TECRL: variants seen among roughly 807,000 people sequenced by gnomAD.
TECRL encodes the protein trans-2,3-enoyl-CoA reductase-like.
In TECRL, 63 loss-of-function variants were observed where a neutral mutation model predicts 52.8. The ratio of observed to expected loss-of-function variants is 1.19; its 90% confidence interval spans 0.97 to 1.47. The LOEUF (loss-of-function observed/expected upper bound fraction) is 1.47. Ranked by LOEUF, TECRL falls within the 40% of genes most tolerant of loss-of-function variation. The probability of loss-of-function intolerance (pLI) is 0.00; values close to 1 mark genes in which losing one functional copy is unlikely to be tolerated. For missense variants in TECRL, 482 were observed against 429.6 expected, an observed-to-expected ratio of 1.12 and a Z score of -1.08; for synonymous variants, 164 against 141.9, an observed-to-expected ratio of 1.16 and a Z score of -1.10.
intron 1 of TECRL, among the ~76,000 whole-genome samples, chr4:64,375,812 C>G (rs912122332): frequency 6.6e-6 from 1 of 151,690 alleles, no homozygotes; most frequent in Non-Finnish European, 1.5e-5. Context: ...ATTACTAAAA[C>G]AAACTCTATA....
rs1724932593 is a variant in TECRL, at chr4:64,409,181, C to A, written c.171G>T (p.Thr57=). 3.1e-6 allele frequency: 5 copies of A among 1,613,538 alleles called. No individual in the cohort carries two copies. The South Asian group carries it at 4.4e-5, about 14-fold the overall frequency. The stretch of plus-strand genomic sequence containing the variant: ...CAAATATTTCAATCTCAAAGTGAGT[C>A]GTTTTTGAATGTTTGACTGCTGGAG... ...RPTPAVKHSK[T]THFEIEIFDA... The change falls in exon 1 of 12, where the codon ACG becomes ACT. Residue 57 remains threonine, a synonymous_variant. Transcript: ENST00000381210.
At chr4:64,296,662 G>C (rs911301949) in intron 8 of TECRL, among the ~76,000 whole-genome samples, 3 of 151,634 alleles carry the variant, frequency 2.0e-5, no homozygotes, top group African/African-American at 7.2e-5. Context: ...TAAAGTTAAG[G>C]GTACAAAAAG....
chr4:64,347,766 C>G (rs1720091739), intron 2 of TECRL, among the ~76,000 whole-genome samples: 1 of 152,076 alleles, frequency 6.6e-6, no homozygotes, highest in African/African-American at 2.4e-5. Flanking sequence ...ATTACAGGTC[C>G]CTCCCTTGAC....
At chr4:64,354,940 A>G (rs1340957139) in intron 2 of TECRL, among the ~76,000 whole-genome samples, 1 of 152,148 alleles carries the variant, frequency 6.6e-6, no homozygotes, top group Non-Finnish European at 1.5e-5. Flanking sequence ...TAAGTAAACT[A>G]TTTTCCTTTA....
intron 1 of TECRL, among the ~76,000 whole-genome samples, chr4:64,406,914 G>A (rs573104095): frequency 9.2e-5 from 14 of 151,780 alleles, no homozygotes; most frequent in Middle Eastern, 3.4e-3. Flanking sequence ...CTACAAAGTT[G>A]TTAATTTGTC....
rs554478135 is a variant in TECRL at position 64,289,409 on chromosome 4, T to C, written c.832+301A>G. On this transcript the variant is annotated intron_variant, in intron 9 of 11. Coordinates refer to ENST00000381210, the MANE Select transcript of TECRL (RefSeq NM_001010874.5). ...AGTAATTTGGATATTCATCAAGTGA[T>C]TTTGTACTGCTTTTGTTCTTATTCA... 3.3e-5 allele frequency among the ~76,000 whole-genome samples: 5 copies of C among 152,300 alleles called. No individual in the cohort carries two copies. The East Asian group carries it at 7.7e-4, about 24-fold the overall frequency.
In TECRL at chr4:64,279,553, T is replaced by C. The variant is rs1321405615; in HGVS notation, c.*519A>G. The C allele has an allele frequency of 6.3e-6, 1 of 158,836 alleles. No homozygotes were observed. Among genetic ancestry groups the C allele is most frequent in the Non-Finnish European group, 1.3e-5 (1 of 74,114 alleles). 9.8% of individuals were successfully genotyped at this position (158,836 alleles called of 1,614,324 possible). A position where few individuals can be genotyped will look rare whatever the true frequency, so the allele number is the denominator to read the frequency against. On this transcript the variant is annotated 3_prime_UTR_variant, in exon 12 of 12. Transcript: ENST00000381210. ...TGTCAAAGTGTTAGGATTACAGATA[T>C]GAACCACCACGGCTGTCATATTTTT...
intron 1 of TECRL, among the ~76,000 whole-genome samples, chr4:64,380,764 T>C (rs750490863): frequency 6.6e-6 from 1 of 152,160 alleles, no homozygotes; most frequent in Admixed American, 6.6e-5. Flanking sequence ...ATTTCTATTC[T>C]TGTACCAATG....
At chr4:64,368,095 C>G (rs1721727290) in intron 2 of TECRL, among the ~76,000 whole-genome samples, 2 of 152,168 alleles carry the variant, frequency 1.3e-5, no homozygotes, top group African/African-American at 4.8e-5. Context: ...TTGGACCTTC[C>G]TGACTAAAGT....
intron 2 of TECRL, among the ~76,000 whole-genome samples, chr4:64,370,689 T>C (rs1560536076): frequency 2.0e-5 from 3 of 151,758 alleles, no homozygotes; most frequent in Non-Finnish European, 3.0e-5. Context: ...ACAATTTTGA[T>C]AATATAGAAA....
At chr4:64,334,962 C>A (rs1018494005) in intron 2 of TECRL, among the ~76,000 whole-genome samples, 2 of 152,230 alleles carry the variant, frequency 1.3e-5, no homozygotes, top group Non-Finnish European at 2.9e-5. Context: ...TAGATACTAT[C>A]CGCTGTGCAA....
intron 9 of TECRL, among the ~76,000 whole-genome samples, chr4:64,283,835 T>C (rs1191734447): frequency 6.6e-6 from 1 of 152,072 alleles, no homozygotes; most frequent in East Asian, 1.9e-4. Context: ...GGCCCACTCT[T>C]CCCTATGAAA....
At chr4:64,287,857 G>A (rs1444655096) in intron 9 of TECRL, among the ~76,000 whole-genome samples, 1 of 151,962 alleles carries the variant, frequency 6.6e-6, no homozygotes, top group Non-Finnish European at 1.5e-5. Flanking sequence ...AGTTCAAAAT[G>A]GGCCATGGGC....
chr4:64,364,840 G>C (rs1451175054), intron 2 of TECRL, among the ~76,000 whole-genome samples: 3 of 143,374 alleles, frequency 2.1e-5, no homozygotes, highest in African/African-American at 7.7e-5. Context: ...AAACGAACTG[G>C]CACCAGTGCT....
intron 2 of TECRL, among the ~76,000 whole-genome samples, chr4:64,343,531 G>T: frequency 6.6e-6 from 1 of 151,624 alleles, no homozygotes; most frequent in East Asian, 1.9e-4. Flanking sequence ...ATCCCTCAAA[G>T]CATTAAATGG....
intron 2 of TECRL, among the ~76,000 whole-genome samples, chr4:64,335,647 AATC>A (rs1166484530): frequency 6.6e-6 from 1 of 152,180 alleles, no homozygotes; most frequent in Non-Finnish European, 1.5e-5. Flanking sequence ...CTGTCTTCTA[AATC>A]ATCAAATTCC....
chr4:64,328,402 A>C lies in TECRL; in HGVS notation c.331+110T>G. The C allele has an allele frequency of 4.7e-6, 4 of 855,234 alleles. No homozygotes were observed. In the South Asian group the frequency reaches 7.4e-5, roughly 16 times the overall value. The allele number at this position is 855,234 out of a possible 1,614,324, so 53.0% of individuals were successfully genotyped here. ...CTCTAGTTTGTTGGGCGAATCAATTAAATAATACTAATATTTGTATATTTG... is the reference window on the plus strand; with the variant it reads ...CTCTAGTTTGTTGGGCGAATCAATTCAATAATACTAATATTTGTATATTTG... On this transcript the variant is annotated intron_variant, in intron 3 of 11. Coordinates refer to ENST00000381210, the MANE Select transcript of TECRL (RefSeq NM_001010874.5).
chr4:64,357,239 G>C (rs1187698549), intron 2 of TECRL, among the ~76,000 whole-genome samples: 1 of 151,858 alleles, frequency 6.6e-6, no homozygotes, highest in Non-Finnish European at 1.5e-5. Flanking sequence ...ATAAGTCATG[G>C]AAAGATAAGA....
chr4:64,399,418 G>A (rs183636070), intron 1 of TECRL, among the ~76,000 whole-genome samples: 1 of 152,292 alleles, frequency 6.6e-6, no homozygotes, highest in Admixed American at 6.5e-5. Flanking sequence ...GAAGTAATTC[G>A]AGCAGGCTAC....
Sources: gnomAD v4.1 joint callset for allele counts (sites outside exome capture counted in the v4.1 genomes callset) on GRCh38, gnomAD v4.1.1 for gene constraint, MANE v1.5 for transcripts, NCBI Gene and HGNC (gene_info 2026-07-23, HGNC 2026-07-21) for gene names.